IQUB: variants seen among roughly 807,000 people sequenced by gnomAD.
The protein encoded by IQUB is IQ motif and ubiquitin domain containing, also known as IQ motif and ubiquitin-like domain-containing protein.
Under a neutral mutation model 86.4 loss-of-function variants are expected in IQUB, and 86 were observed. That is an observed-to-expected ratio of 1.00 (90% CI 0.84 to 1.19). The LOEUF (loss-of-function observed/expected upper bound fraction) is 1.19. Among genes scored for constraint, IQUB ranks in the 50% most tolerant of loss-of-function variants. The pLI is 0.00. For missense variants in IQUB, 946 were observed against 916.9 expected (o/e 1.03, Z -0.41); for synonymous variants, 289 against 304.5 (o/e 0.95, Z 0.53).
rs533866528 is a variant in IQUB at position 123,521,681 on chromosome 7, C to CACACACACAG, written c.-4-9338_-4-9337insCTGTGTGTGT. On this transcript the variant is annotated intron_variant, in intron 1 of 12. Transcript: ENST00000324698. ...ACACACACACACACACACACACACA[C>CACACACACAG]AGAGATCACAGTTCTCTGTAACCTG... Among the ~76,000 whole-genome samples, 318 of 151,128 alleles carry CACACACACAG rather than the reference C, an allele frequency of 2.1e-3. 1 individual carries two copies. The highest frequency in any genetic ancestry group is 6.6e-3 in the African/African-American group (269 of 40,990).
intron 3 of IQUB, among the ~76,000 whole-genome samples, chr7:123,505,501 C>A (rs1796136607): frequency 6.6e-6 from 1 of 152,184 alleles, no homozygotes; most frequent in African/African-American, 2.4e-5. Flanking sequence ...AGCCTCAATT[C>A]TTGCCTTCTG....
rs554023967 is a variant in IQUB at position 123,505,331 on chromosome 7, G to A, written c.533-1968C>T. 5.8e-4 allele frequency among the ~76,000 whole-genome samples: 88 copies of A among 152,330 alleles called. 1 individual carries two copies. The highest frequency in any genetic ancestry group is 2.1e-3 in the African/African-American group (86 of 41,590). On this transcript the variant is annotated intron_variant, in intron 3 of 12. Coordinates refer to ENST00000324698, the MANE Select transcript of IQUB (RefSeq NM_178827.5). ...TCCACAGGTACAGCTCCACTAGGCA[G>A]TGCCACAGTGGGCACTCTGTGTGGG...
intron 8 of IQUB, among the ~76,000 whole-genome samples, chr7:123,476,218 C>G (rs1398896745): frequency 6.6e-6 from 1 of 152,088 alleles, no homozygotes; most frequent in Non-Finnish European, 1.5e-5. Flanking sequence ...TGTACAAAGA[C>G]AGAGATGAGA....
At chr7:123,528,176 G>C (rs1240762607) in intron 1 of IQUB, among the ~76,000 whole-genome samples, 5 of 152,050 alleles carry the variant, frequency 3.3e-5, no homozygotes, top group Non-Finnish European at 7.4e-5. Flanking sequence ...GCTTCGGCTC[G>C]CGCACGGTGC....
chr7:123,474,183 T>C (rs1794656277), intron 8 of IQUB, among the ~76,000 whole-genome samples: 1 of 152,212 alleles, frequency 6.6e-6, no homozygotes, highest in Non-Finnish European at 1.5e-5. Flanking sequence ...TAAAATTGTA[T>C]TCTCCAAAGT....
intron 7 of IQUB, among the ~76,000 whole-genome samples, chr7:123,493,523 C>T (rs1335931828): frequency 6.6e-6 from 1 of 151,974 alleles, no homozygotes; most frequent in African/African-American, 2.4e-5. Context: ...GTGATAGCAC[C>T]CTCCAGAAGG....
At chr7:123,524,590 G>C (rs1309214093) in intron 1 of IQUB, among the ~76,000 whole-genome samples, 3 of 150,156 alleles carry the variant, frequency 2.0e-5, no homozygotes, top group Admixed American at 2.0e-4. Context: ...TCAGCTTAAG[G>C]AGAGTTTGGG....
At chr7:123,515,470 A>G (rs1476221662) in intron 1 of IQUB, among the ~76,000 whole-genome samples, 3 of 152,346 alleles carry the variant, frequency 2.0e-5, no homozygotes, top group African/African-American at 7.2e-5. Context: ...ACACTTCACC[A>G]AAGAATACAT....
chr7:123,472,712 T>C (rs1185761811), intron 8 of IQUB, among the ~76,000 whole-genome samples: 2 of 152,232 alleles, frequency 1.3e-5, no homozygotes, highest in Non-Finnish European at 2.9e-5. Context: ...GCTGTTTTTA[T>C]ACTTAGATGT....
At chr7:123,469,490 TA>T (rs1404463880) in intron 8 of IQUB, 106 bp from the exon 9 acceptor site, 4 of 524,090 alleles carry the variant, frequency 7.6e-6, no homozygotes, top group Non-Finnish European at 1.3e-5. Flanking sequence ...GCTTTATAAC[TA>T]AAGTATTGCT....
At chr7:123,456,032 A>G (rs934511538) in intron 12 of IQUB, among the ~76,000 whole-genome samples, 3 of 152,108 alleles carry the variant, frequency 2.0e-5, no homozygotes, top group Non-Finnish European at 2.9e-5. Flanking sequence ...ATCTTTCTGC[A>G]AGATATAAAC....
chr7:123,487,584 C>G (rs1795263872), intron 7 of IQUB, among the ~76,000 whole-genome samples: 1 of 152,162 alleles, frequency 6.6e-6, no homozygotes, highest in Non-Finnish European at 1.5e-5. Flanking sequence ...TATTATCACA[C>G]CAGAGAATTT....
At position 123,502,750 on chromosome 7, in the gene IQUB, T is replaced by G; in HGVS notation, c.870A>C (p.Thr290=). 3 of 1,591,296 alleles carry G rather than the reference T, an allele frequency of 1.9e-6. No homozygotes were observed. The highest frequency in any genetic ancestry group is 2.6e-6 in the Non-Finnish European group (3 of 1,169,368). Residue 290 remains threonine, a splice_region_variant and synonymous_variant, in exon 6 of 13, where the codon ACA becomes ACC. Transcript: ENST00000324698. ...RLSIFCRDTQ[T]VFQKKNLQQT... ...GTTGGAGATTTTTTTTCTGAAAAAC[T>G]GTCTAAAAGAAAACATTAAAAATTT...
intron 6 of IQUB, among the ~76,000 whole-genome samples, chr7:123,497,924 A>T (rs952607427): frequency 6.6e-6 from 1 of 151,842 alleles, no homozygotes; most frequent in Admixed American, 6.6e-5. Flanking sequence ...CCCAAAACTG[A>T]TGGATGGTCT....
At chr7:123,463,660 A>G (rs1336122740) in intron 10 of IQUB, among the ~76,000 whole-genome samples, 1 of 151,786 alleles carries the variant, frequency 6.6e-6, no homozygotes, top group African/African-American at 2.4e-5. Flanking sequence ...AAGTGGCAGC[A>G]TGAGAGAATT....
At position 123,509,900 on chromosome 7, in the gene IQUB, C is replaced by T. The variant is rs750161704; in HGVS notation, c.532+1G>A. ...TATGTTTTATTAGCCTCCAAACTTA[C>T]CTGAGTATCTTATCTGCAGTACAGA... On this transcript the variant is annotated splice_donor_variant, in intron 3 of 12. Coordinates refer to ENST00000324698, the MANE Select transcript of IQUB (RefSeq NM_178827.5). LOFTEE classifies it high-confidence loss of function. The T allele has an allele frequency of 1.9e-6, 3 of 1,599,498 alleles. No individual in the cohort carries two copies. Among genetic ancestry groups the T allele is most frequent in the South Asian group, 2.3e-5 (2 of 87,798 alleles).
At chr7:123,500,264 TCCAAGAA>T (rs1446664127) in intron 6 of IQUB, among the ~76,000 whole-genome samples, 1 of 152,158 alleles carries the variant, frequency 6.6e-6, no homozygotes, top group African/African-American at 2.4e-5. Flanking sequence ...TTGTGGGAGA[TCCAAGAA>T]CCCTCTCTTG....
chr7:123,452,726 A>AAAT lies in IQUB; in HGVS notation c.*14_*16dup, dbSNP rs781156515. ...GTGAACAAAATGCCGATCATCAAACAAATACTCCTGGATCACCTAATGAGG... is the reference window on the plus strand; with the variant it reads ...GTGAACAAAATGCCGATCATCAAACAAATAATACTCCTGGATCACCTAATGAGG... On this transcript the variant is annotated 3_prime_UTR_variant, in exon 13 of 13. Transcript: ENST00000324698. 1.9e-6 allele frequency: 3 copies of AAAT among 1,592,762 alleles called. No homozygotes were observed. Among genetic ancestry groups the AAAT allele is most frequent in the Middle Eastern group, 1.7e-4 (1 of 5,966 alleles).
chr7:123,510,882 G>A (rs974656888), intron 2 of IQUB, among the ~76,000 whole-genome samples: 1 of 152,070 alleles, frequency 6.6e-6, no homozygotes, highest in Non-Finnish European at 1.5e-5. Flanking sequence ...AACTTTCATA[G>A]TAGTGACTTC....
Sources: allele counts gnomAD v4.1 joint callset (sites outside exome capture counted in the v4.1 genomes callset), GRCh38; gene constraint gnomAD v4.1.1; transcripts MANE v1.5; gene names NCBI Gene and HGNC (gene_info 2026-07-23, HGNC 2026-07-21).